RIPOR1: variants seen among roughly 807,000 people sequenced by gnomAD.
The protein encoded by RIPOR1 is rho family-interacting cell polarization regulator 1.
RIPOR1 carries 58 observed loss-of-function variants against 116.5 expected under a neutral mutation model. The observed-to-expected ratio is 0.50, with a 90% CI of 0.40 to 0.62. The LOEUF (loss-of-function observed/expected upper bound fraction) is 0.62. RIPOR1 is among the 20% of genes least tolerant of loss of function. RIPOR1 has a pLI of 0.00. For missense variants in RIPOR1, 1,372 were observed against 1,586.2 expected, an observed-to-expected ratio of 0.86 and a Z score of 2.29; for synonymous variants, 605 against 650.0, an observed-to-expected ratio of 0.93 and a Z score of 1.05.
chr16:67,545,018 C>G lies in RIPOR1; in HGVS notation c.2932C>G (p.Leu978Val). 4 of 1,613,728 alleles carry G rather than the reference C, an allele frequency of 2.5e-6. No homozygotes were observed. The highest frequency in any genetic ancestry group is 3.4e-6 in the Non-Finnish European group (4 of 1,180,038). Reference sequence around the variant, plus strand: ...CTTCTGGGACCAGTGCACAGAGAGACTCAGCTGCTTCCTCTGCCCGGTGGA... The same window carrying G: ...CTTCTGGGACCAGTGCACAGAGAGAGTCAGCTGCTTCCTCTGCCCGGTGGA... ...LTFWDQCTER[L>V]SCFLCPVERV... The change falls in exon 17 of 22, where the codon CTC (leucine) becomes GTC (valine). Residue 978 changes from leucine (L) to valine (V), a missense_variant. This residue lies in a region of RIPOR1 where 1,005 missense variants were observed against 1,144.7 expected (regional missense o/e 0.88). Transcript: ENST00000042381. This position sits in a 1 kb window ranked among gnomAD's most constrained non-coding sequence, Gnocchi z 4.8.
chr16:67,540,363 G>A lies in RIPOR1; in HGVS notation c.631G>A (p.Gly211Arg), dbSNP rs2050942183. ...GGGCGAGTTTCATCTCCGAATGAAA[G>A]GTACTGAGTTGTGGGGGCAGGTGGG... ...QLGEFHLRMK[G>R]LAGFARLCVG... The change falls in exon 8 of 22, where the codon GGG becomes AGG. Residue 211 changes from glycine (G) to arginine (R), a missense_variant and splice_region_variant. Transcript: ENST00000042381. This position sits in a 1 kb window ranked among gnomAD's most constrained non-coding sequence, Gnocchi z 4.7. 1 of 1,614,194 alleles carries A rather than the reference G, an allele frequency of 6.2e-7. No individual in the cohort carries two copies. Among genetic ancestry groups the A allele is most frequent in the Non-Finnish European group, 8.5e-7 (1 of 1,180,022 alleles).
rs1258762669 is a variant in RIPOR1 at position 67,542,549 on chromosome 16, C to T, written c.1763C>T (p.Thr588Ile). The T allele has an allele frequency of 6.2e-7, 1 of 1,613,710 alleles. No homozygotes were observed. Among genetic ancestry groups the T allele is most frequent in the African/African-American group, 1.3e-5 (1 of 74,820 alleles). The change falls in exon 13 of 22, where the codon ACC becomes ATC. Residue 588 changes from threonine to isoleucine, a missense_variant. Physicochemically the swap from Thr to Ile is moderately conservative, Grantham distance 89. This residue lies in a region of RIPOR1 where 1,005 missense variants were observed against 1,144.7 expected (regional missense o/e 0.88). Transcript: ENST00000042381. This position sits in a 1 kb window ranked among gnomAD's most constrained non-coding sequence, Gnocchi z 4.6. ...TCTACCCTTACTACTACAGGCCCTACCCTCAATATCATAGGCCCAGTCCAG... is the reference window on the plus strand; with the variant it reads ...TCTACCCTTACTACTACAGGCCCTATCCTCAATATCATAGGCCCAGTCCAG... ...IISTLTTTGP[T>I]LNIIGPVQTT...
At chr16:67,539,631 G>C (rs2142528411) in intron 4 of RIPOR1, 97 bp from the exon 5 acceptor site, 1 of 1,405,554 alleles carries the variant, frequency 7.1e-7, no homozygotes. Flanking sequence ...CTTGTGGACT[G>C]TGGTGTGAGA....
At position 67,540,728 on chromosome 16, in the gene RIPOR1, A is replaced by G. The variant is rs2050955720; in HGVS notation, c.801+24A>G. 6.4e-7 allele frequency: 1 copy of G among 1,560,268 alleles called. No individual in the cohort carries two copies. Among genetic ancestry groups the G allele is most frequent in the Non-Finnish European group, 8.7e-7 (1 of 1,153,212 alleles). On this transcript the variant is annotated intron_variant, in intron 10 of 21. Transcript: ENST00000042381. The surrounding 1 kb of genome is among the most constrained non-coding windows in gnomAD (Gnocchi z 4.7). Reference sequence around the variant, plus strand: ...AGGTGATGTCTCTGCCCAGGACGGCAGGCCACCATGGCCCTGTGAACCCCT... The same window carrying G: ...AGGTGATGTCTCTGCCCAGGACGGCGGGCCACCATGGCCCTGTGAACCCCT...
In RIPOR1 at chr16:67,520,388, A is replaced by G. The variant is rs573747604; in HGVS notation, c.-24+1775A>G. 1.4e-4 allele frequency among the ~76,000 whole-genome samples: 20 copies of G among 144,746 alleles called. 1 individual carries two copies. In the South Asian group the frequency reaches 4.2e-3, roughly 31 times the overall value. 95.0% of individuals were successfully genotyped at this position (144,746 alleles called of 152,430 possible). On this transcript the variant is annotated intron_variant, in intron 1 of 1. Coordinates refer to the RIPOR1 transcript ENST00000562116. ...GTGAGACCCCATCTCAAAAAAAAAAAAGAAAAGAAAAGGAAGGAAGGAAGG... is the reference window on the plus strand; with the variant it reads ...GTGAGACCCCATCTCAAAAAAAAAAGAGAAAAGAAAAGGAAGGAAGGAAGG...
At position 67,537,345 on chromosome 16, in the gene RIPOR1, C is replaced by A; in HGVS notation, c.-23-1079C>A. 1 of 1,213,132 alleles carries A rather than the reference C, an allele frequency of 8.2e-7. No homozygotes were observed. The highest frequency in any genetic ancestry group is 3.8e-5 in the South Asian group (1 of 25,998). The allele number at this position is 1,213,132 out of a possible 1,614,324, so 75.1% of individuals were successfully genotyped here. On this transcript the variant is annotated intron_variant, in intron 1 of 21. Coordinates refer to ENST00000042381, the MANE Select transcript of RIPOR1 (RefSeq NM_024519.4). The surrounding 1 kb of genome is among the most constrained non-coding windows in gnomAD (Gnocchi z 4.6). ...ACATTGCTGACCCCAGCTGAGCAGACCCCTCGCCCCCCGTCGGTCCCCTCC... is the reference window on the plus strand; with the variant it reads ...ACATTGCTGACCCCAGCTGAGCAGAACCCTCGCCCCCCGTCGGTCCCCTCC...
chr16:67,519,290 A>C (rs1272902464), intron 1 of RIPOR1, among the ~76,000 whole-genome samples: 1 of 151,854 alleles, frequency 6.6e-6, no homozygotes, highest in Non-Finnish European at 1.5e-5. Context: ...AAAAAAAAAA[A>C]AAAAACACTT....
Position 67,542,733 on chromosome 16 carries a change from C to T in RIPOR1, c.1947C>T (p.Gly649=), listed in dbSNP as rs754025664. The T allele has an allele frequency of 6.2e-7, 1 of 1,613,848 alleles. No individual in the cohort carries two copies. ...TTTSPTPSGM[G]LVQTATSPTH... is the part of the protein sequence containing the mutation. The stretch of plus-strand genomic sequence containing the variant: ...CAAGTCCTACCCCCAGTGGTATGGG[C>T]CTAGTCCAGACTGCCACAAGTCCCA... Residue 649 remains glycine, a synonymous_variant, in exon 13 of 22, where the codon GGC becomes GGT. Coordinates refer to ENST00000042381, the MANE Select transcript of RIPOR1 (RefSeq NM_024519.4). This position sits in a 1 kb window ranked among gnomAD's most constrained non-coding sequence, Gnocchi z 4.6.
At chr16:67,534,268 T>A (rs146176023) in intron 1 of RIPOR1, among the ~76,000 whole-genome samples, 48 of 151,772 alleles carry the variant, frequency 3.2e-4, no homozygotes, top group African/African-American at 1.1e-3. Context: ...CTACAGGCCA[T>A]GCCACCACAC....
upstream of RIPOR1, chr16:67,528,514 G>C (rs544943199): frequency 4.0e-4 from 61 of 152,592 alleles, no homozygotes; most frequent in African/African-American, 1.4e-3. Flanking sequence ...CCTGTTTCAG[G>C]TGGTCACGGA....
chr16:67,542,718 C>G lies in RIPOR1; in HGVS notation c.1932C>G (p.Thr644=). 3 of 1,613,888 alleles carry G rather than the reference C, an allele frequency of 1.9e-6. No individual in the cohort carries two copies. The highest frequency in any genetic ancestry group is 1.7e-6 in the Non-Finnish European group (2 of 1,179,942). ...SMSPPTTTSP[T]PSGMGLVQTA... is the part of the protein sequence containing the mutation. ...CACCTCCCACCACTACAAGTCCTAC[C>G]CCCAGTGGTATGGGCCTAGTCCAGA... The change falls in exon 13 of 22, where the codon ACC becomes ACG. Residue 644 remains threonine (T), a synonymous_variant. Coordinates refer to ENST00000042381, the MANE Select transcript of RIPOR1 (RefSeq NM_024519.4). This position sits in a 1 kb window ranked among gnomAD's most constrained non-coding sequence, Gnocchi z 4.6.
chr16:67,545,587 G>A lies in RIPOR1; in HGVS notation c.3190+53G>A. The A allele has an allele frequency of 2.5e-6, 4 of 1,598,232 alleles. No individual in the cohort carries two copies. Among genetic ancestry groups the A allele is most frequent in the Non-Finnish European group, 3.4e-6 (4 of 1,169,482 alleles). ...GGCCTCTTGGGGTCTGAGGACATGA[G>A]GACAAGCCCTCCCCAACCTCGGGGG... is the stretch of plus-strand genomic sequence containing the variant. On this transcript the variant is annotated intron_variant, in intron 18 of 21. Transcript: ENST00000042381. The surrounding 1 kb of genome is among the most constrained non-coding windows in gnomAD (Gnocchi z 4.8).
intron 1 of RIPOR1, among the ~76,000 whole-genome samples, chr16:67,533,037 G>T (rs2050701133): frequency 6.6e-6 from 1 of 152,128 alleles, no homozygotes. Context: ...ATTGCAGAGA[G>T]ATTTAAGAGC....
At chr16:67,522,431 A>G (rs2050503393) in intron 1 of RIPOR1, among the ~76,000 whole-genome samples, 1 of 150,672 alleles carries the variant, frequency 6.6e-6, no homozygotes, top group Admixed American at 6.6e-5. Flanking sequence ...CGAACTCCTG[A>G]CCTCAGGTGA....
intron 1 of RIPOR1, among the ~76,000 whole-genome samples, chr16:67,520,206 T>C (rs1275053333): frequency 6.6e-6 from 1 of 150,932 alleles, no homozygotes; most frequent in African/African-American, 2.4e-5. Context: ...GGTGAAACCC[T>C]GTCTGTACCA....
chr16:67,538,542 G>A lies in RIPOR1; in HGVS notation c.96G>A (p.Arg32=), dbSNP rs544904659. Residue 32 remains arginine, a synonymous_variant, in exon 2 of 22, where the codon CGG becomes CGA. Transcript: ENST00000042381. ...CAGGCGTCCTCGGCAGCCACGAGCG[G>A]GGGCCCAGGTACGCGGCCGCGCAGG... is the stretch of plus-strand genomic sequence containing the variant. ...SFAGVLGSHE[R]GPRSFPVFSP... is the part of the protein sequence containing the mutation. 2.5e-6 allele frequency: 4 copies of A among 1,612,170 alleles called. No homozygotes were observed. Among genetic ancestry groups the A allele is most frequent in the Admixed American group, 1.7e-5 (1 of 59,948 alleles).
chr16:67,530,113 T>A lies in RIPOR1; in HGVS notation c.-24+1199T>A. 1 of 567,036 alleles carries A rather than the reference T, an allele frequency of 1.8e-6. No homozygotes were observed. The highest frequency in any genetic ancestry group is 2.0e-5 in the South Asian group (1 of 49,836). 35.1% of individuals were successfully genotyped at this position (567,036 alleles called of 1,614,324 possible). On this transcript the variant is annotated intron_variant, in intron 1 of 21. Coordinates refer to ENST00000042381, the MANE Select transcript of RIPOR1 (RefSeq NM_024519.4). This position sits in a 1 kb window ranked among gnomAD's most constrained non-coding sequence, Gnocchi z 4.5. ...GTGAGCCGCCCCAGGGGTCTGGGTTTGGGTGCGGGTGAGGGGAGGACTCAG... is the reference window on the plus strand; with the variant it reads ...GTGAGCCGCCCCAGGGGTCTGGGTTAGGGTGCGGGTGAGGGGAGGACTCAG...
In RIPOR1 at chr16:67,542,708, C is replaced by G; in HGVS notation, c.1922C>G (p.Thr641Arg). 6.2e-7 allele frequency: 1 copy of G among 1,613,624 alleles called. No individual in the cohort carries two copies. Among genetic ancestry groups the G allele is most frequent in the Non-Finnish European group, 8.5e-7 (1 of 1,179,866 alleles). Residue 641 changes from threonine (T) to arginine (R), a missense_variant, in exon 13 of 22, where the codon ACA (threonine) becomes AGA (arginine). This residue lies in a region of RIPOR1 where 1,005 missense variants were observed against 1,144.7 expected (regional missense o/e 0.88). Coordinates refer to ENST00000042381, the MANE Select transcript of RIPOR1 (RefSeq NM_024519.4). The surrounding 1 kb of genome is among the most constrained non-coding windows in gnomAD (Gnocchi z 4.6). Reference sequence around the variant, plus strand: ...ACCAGTATGTCACCTCCCACCACTACAAGTCCTACCCCCAGTGGTATGGGC... The same window carrying G: ...ACCAGTATGTCACCTCCCACCACTAGAAGTCCTACCCCCAGTGGTATGGGC... ...HKTSMSPPTT[T>R]SPTPSGMGLV...
Position 67,542,883 on chromosome 16 carries a change from A to G in RIPOR1, c.2097A>G (p.Pro699=), listed in dbSNP as rs1307410980. 6.2e-7 allele frequency: 1 copy of G among 1,611,408 alleles called. No individual in the cohort carries two copies. The highest frequency in any genetic ancestry group is 1.3e-5 in the African/African-American group (1 of 74,352). ...CCAAACACTCAGACCCCACCCTCCCAGGCACTGACTCCCTTCCCTGTAGTC... is the reference window on the plus strand; with the variant it reads ...CCAAACACTCAGACCCCACCCTCCCGGGCACTGACTCCCTTCCCTGTAGTC... ...SPSKHSDPTL[P]GTDSLPCSPP... Residue 699 remains proline (P), a synonymous_variant, in exon 13 of 22, where the codon CCA becomes CCG. Coordinates refer to ENST00000042381, the MANE Select transcript of RIPOR1 (RefSeq NM_024519.4). This position sits in a 1 kb window ranked among gnomAD's most constrained non-coding sequence, Gnocchi z 4.6.
Sources: allele counts gnomAD v4.1 joint callset (sites outside exome capture counted in the v4.1 genomes callset), GRCh38; gene constraint gnomAD v4.1.1; regional missense constraint gnomAD v4.1.1; non-coding constraint Gnocchi (gnomAD v3.1); transcripts MANE v1.5; gene names NCBI Gene and HGNC (gene_info 2026-07-23, HGNC 2026-07-21).